The following TENT4B variants were observed in gnomAD, a reference collection of about 807,000 sequenced individuals.
TENT4B encodes terminal nucleotidyltransferase 4B, also known as PAP associated domain containing 5.
In TENT4B, 10 loss-of-function variants were observed where a neutral mutation model predicts 75.0. The ratio of observed to expected loss-of-function variants is 0.13; its 90% CI spans 0.08 to 0.23. The LOEUF is 0.23. TENT4B is among the 10% of genes least tolerant of loss of function. The pLI, the probability that TENT4B is intolerant of heterozygous loss-of-function variation, is 1.00. For synonymous variants in TENT4B, 350 were observed against 357.7 expected (o/e 0.98, Z 0.24); for missense variants, 579 against 893.8 (o/e 0.65, Z 4.49).
At chr16:50,188,122 C>G (rs1320135156) in intron 1 of TENT4B, among the ~76,000 whole-genome samples, 1 of 152,124 alleles carries the variant, frequency 6.6e-6, no homozygotes, top group Admixed American at 6.5e-5. Flanking sequence ...GATAAAATGA[C>G]AAAATCAGTA....
At chr16:50,189,082 A>G (rs1185504647) in intron 1 of TENT4B, among the ~76,000 whole-genome samples, 2 of 152,028 alleles carry the variant, frequency 1.3e-5, no homozygotes, top group Non-Finnish European at 2.9e-5. Flanking sequence ...TCTTAATTCC[A>G]TTGTAACTTC....
intron 11 of TENT4B, 125 bp from the exon 12 acceptor site, chr16:50,229,027 A>G: frequency 6.7e-7 from 1 of 1,493,694 alleles, no homozygotes; most frequent in Non-Finnish European, 8.9e-7. Flanking sequence ...TAAGTCAGTG[A>G]TCAGTAAGGT....
In TENT4B at chr16:50,224,714, A is replaced by T; in HGVS notation, c.1439A>T (p.Tyr480Phe). The stretch of plus-strand genomic sequence containing the variant: ...ATGCAAGTGAAGCAGGCCTTTGATT[A>T]TGCCTACGTTGTTTTGAGTCATGCT... ...GAMQVKQAFDYAYVVLSHAVS... is the reference protein window; with the variant it reads ...GAMQVKQAFDFAYVVLSHAVS... The change falls in exon 8 of 12, where the codon TAT becomes TTT. Residue 480 changes from tyrosine to phenylalanine, a missense_variant. This residue lies in a region of TENT4B where 71 missense variants were observed against 210.6 expected (regional missense o/e 0.34). Transcript: ENST00000561678. 6.2e-7 allele frequency: 1 copy of T among 1,614,056 alleles called. No individual in the cohort carries two copies. The highest frequency in any genetic ancestry group is 8.5e-7 in the Non-Finnish European group (1 of 1,179,894).
In TENT4B at chr16:50,229,012, C is replaced by T. The variant is rs1278355692; in HGVS notation, c.1966-140C>T. 6 of 1,463,600 alleles carry T rather than the reference C, an allele frequency of 4.1e-6. 1 individual carries two copies. Among genetic ancestry groups the T allele is most frequent in the South Asian group, 1.5e-5 (1 of 67,032 alleles). The allele number at this position is 1,463,600 out of a possible 1,614,324, so 90.7% of individuals were successfully genotyped here. A position where few individuals can be genotyped will look rare whatever the true frequency, so the allele number is the denominator to read the frequency against. ...CCCCTGTAACAGCTTTTTCTGCCCA[C>T]TAGATAAGTCAGTGATCAGTAAGGT... On this transcript the variant is annotated intron_variant, in intron 11 of 11. Coordinates refer to ENST00000561678, the MANE Select transcript of TENT4B (RefSeq NM_001365324.3).
At chr16:50,194,844 G>C (rs2150714075) in intron 1 of TENT4B, among the ~76,000 whole-genome samples, 1 of 148,444 alleles carries the variant, frequency 6.7e-6, no homozygotes, top group African/African-American at 2.5e-5. Context: ...TGCCTCCCAG[G>C]TTCACATCAT....
intron 1 of TENT4B, among the ~76,000 whole-genome samples, chr16:50,156,409 A>G (rs904496654): frequency 4.7e-5 from 7 of 149,270 alleles, no homozygotes; most frequent in African/African-American, 1.7e-4. Flanking sequence ...CAGTGGCTCG[A>G]TCTCAGCTCA....
At chr16:50,210,065 C>T (rs2031198593) in intron 1 of TENT4B, among the ~76,000 whole-genome samples, 1 of 152,144 alleles carries the variant, frequency 6.6e-6, no homozygotes, top group Non-Finnish European at 1.5e-5. Context: ...AAACCCCCTG[C>T]CCCTCCTTCC....
At position 50,229,199 on chromosome 16, in the gene TENT4B, T is replaced by C. The variant is rs2032187987; in HGVS notation, c.2013T>C (p.Gly671=). ...GTTCTTCCAGCAAAGGCTTCCAAGGTACAACTCAAACAAGCCATGGTTCCT... is the reference window on the plus strand; with the variant it reads ...GTTCTTCCAGCAAAGGCTTCCAAGGCACAACTCAAACAAGCCATGGTTCCT... ...LFRSSSKGFQ[G]TTQTSHGSLM... is the part of the protein sequence containing the mutation. The change falls in exon 12 of 12, where the codon GGT becomes GGC. Residue 671 remains glycine, a synonymous_variant. Coordinates refer to ENST00000561678, the MANE Select transcript of TENT4B (RefSeq NM_001365324.3). The C allele has an allele frequency of 6.2e-7, 1 of 1,613,682 alleles. No homozygotes were observed. The highest frequency in any genetic ancestry group is 1.1e-5 in the South Asian group (1 of 91,046).
intron 1 of TENT4B, among the ~76,000 whole-genome samples, chr16:50,167,673 T>TTGC (rs2038128173): frequency 6.6e-6 from 1 of 150,394 alleles, no homozygotes; most frequent in Non-Finnish European, 1.5e-5. Flanking sequence ...TTTTTTGTTG[T>TTGC]TGTTGAGACA....
chr16:50,225,723 C>T (rs1166538101), intron 10 of TENT4B, among the ~76,000 whole-genome samples: 1 of 151,514 alleles, frequency 6.6e-6, no homozygotes, highest in Non-Finnish European at 1.5e-5. Context: ...CCCTCTGTCA[C>T]CCAGGCTGGA....
At chr16:50,220,625 T>A (rs1030774396) in intron 5 of TENT4B, among the ~76,000 whole-genome samples, 2 of 151,952 alleles carry the variant, frequency 1.3e-5, no homozygotes, top group Non-Finnish European at 2.9e-5. Context: ...GCCTCCTGAG[T>A]TCAAACGATT....
intron 1 of TENT4B, among the ~76,000 whole-genome samples, chr16:50,159,771 C>G (rs1261179643): frequency 6.6e-6 from 1 of 152,148 alleles, no homozygotes; most frequent in Non-Finnish European, 1.5e-5. Context: ...CTGACATGCG[C>G]TTTTAAGAAG....
rs72780193 is a variant in TENT4B, at chr16:50,230,023, A to G, written c.*695A>G. Reference sequence around the variant, plus strand: ...TATTACTCAATTTGTTTTTCTCAGCATTGAAATGACTTAATAGAACCCTTG... The same window carrying G: ...TATTACTCAATTTGTTTTTCTCAGCGTTGAAATGACTTAATAGAACCCTTG... On this transcript the variant is annotated 3_prime_UTR_variant, in exon 12 of 12. Coordinates refer to ENST00000561678, the MANE Select transcript of TENT4B (RefSeq NM_001365324.3). 0.017 allele frequency: 16,889 copies of G among 983,854 alleles called. 193 individuals are homozygous for G. Among genetic ancestry groups the G allele is most frequent in the Middle Eastern group, 0.023 (44 of 1,910 alleles). 60.9% of individuals were successfully genotyped at this position (983,854 alleles called of 1,614,324 possible).
At chr16:50,184,040 C>T (rs1446927509) in intron 1 of TENT4B, among the ~76,000 whole-genome samples, 3 of 152,174 alleles carry the variant, frequency 2.0e-5, no homozygotes, top group African/African-American at 4.8e-5. Flanking sequence ...ATTCATTAGT[C>T]GTTCCTCCTC....
At chr16:50,201,739 A>C (rs2030663168) in intron 1 of TENT4B, among the ~76,000 whole-genome samples, 1 of 150,634 alleles carries the variant, frequency 6.6e-6, no homozygotes, top group African/African-American at 2.4e-5. Context: ...GCTGCTGGGG[A>C]GGCTGAGACA....
chr16:50,190,659 A>G (rs1177691463), intron 1 of TENT4B, among the ~76,000 whole-genome samples: 3 of 152,034 alleles, frequency 2.0e-5, no homozygotes. Flanking sequence ...CATTTCGTTA[A>G]TGACAATTCT....
chr16:50,197,047 C>T (rs2030309458), intron 1 of TENT4B, among the ~76,000 whole-genome samples: 2 of 151,164 alleles, frequency 1.3e-5, no homozygotes, highest in African/African-American at 4.9e-5. Context: ...CTTGATGCTG[C>T]AGTGAGATGT....
Position 50,153,589 on chromosome 16 carries a change from G to A in TENT4B, c.-33G>A. 1.0e-6 allele frequency: 1 copy of A among 978,362 alleles called. No individual in the cohort carries two copies. The highest frequency in any genetic ancestry group is 1.2e-6 in the Non-Finnish European group (1 of 827,254). 60.6% of individuals were successfully genotyped at this position (978,362 alleles called of 1,614,324 possible). ...GGCGGCGGCGGCCCTGCGGGCGGCC[G>A]GGAGGGGCGGGGGCAGCGGCCGCCG... On this transcript the variant is annotated 5_prime_UTR_variant, in exon 1 of 12. Transcript: ENST00000561678.
chr16:50,191,884 C>T (rs2038647199), intron 1 of TENT4B, among the ~76,000 whole-genome samples: 1 of 151,704 alleles, frequency 6.6e-6, no homozygotes, highest in Admixed American at 6.6e-5. Flanking sequence ...GCACCATTGC[C>T]CTCCAGCCTG....
Sources: allele counts gnomAD v4.1 joint callset (sites outside exome capture counted in the v4.1 genomes callset), GRCh38; gene constraint gnomAD v4.1.1; regional missense constraint gnomAD v4.1.1; transcripts MANE v1.5; gene names NCBI Gene and HGNC (gene_info 2026-07-23, HGNC 2026-07-21).